Variants in THADA observed in about 807,000 individuals in gnomAD.
THADA encodes the protein THADA armadillo repeat containing.
In THADA, 213 loss-of-function variants were observed where a neutral mutation model predicts 219.8. That is an observed-to-expected ratio of 0.97 (90% CI 0.87 to 1.09). THADA has a LOEUF of 1.09. Ranked by LOEUF, THADA falls within the 50% of genes least tolerant of loss-of-function variation. THADA has a pLI of 0.00. For missense variants in THADA, 2,956 were observed against 2,311.3 expected, an observed-to-expected ratio of 1.28 and a Z score of -5.72; for synonymous variants, 1,018 against 828.9, an observed-to-expected ratio of 1.23 and a Z score of -3.92.
intron 29 of THADA, among the ~76,000 whole-genome samples, chr2:43,382,515 G>A (rs1672161347): frequency 1.3e-5 from 2 of 152,258 alleles, no homozygotes; most frequent in South Asian, 4.1e-4. Context: ...AGATAAAAAA[G>A]ATATTCAAGA....
intron 30 of THADA, among the ~76,000 whole-genome samples, chr2:43,338,566 G>A (rs573372006): frequency 6.6e-6 from 1 of 152,076 alleles, no homozygotes; most frequent in Non-Finnish European, 1.5e-5. Flanking sequence ...TCTGTCTCTA[G>A]GTCTTGACTA....
intron 30 of THADA, among the ~76,000 whole-genome samples, chr2:43,338,073 CT>C (rs959791131): frequency 6.6e-6 from 1 of 151,174 alleles, no homozygotes; most frequent in African/African-American, 2.4e-5. Context: ...ATAATATAAA[CT>C]TTACCATCTT....
chr2:43,246,515 C>T (rs529393155), intron 36 of THADA, among the ~76,000 whole-genome samples: 1 of 150,956 alleles, frequency 6.6e-6, no homozygotes, highest in Non-Finnish European at 1.5e-5. Flanking sequence ...AACAAACAAA[C>T]AAACAAAAAA....
At chr2:43,461,227 C>T (rs984530477) in intron 26 of THADA, among the ~76,000 whole-genome samples, 45 of 152,316 alleles carry the variant, frequency 3.0e-4, no homozygotes, top group African/African-American at 1.0e-3. Context: ...TAAGTCTACA[C>T]TGCCCACACA....
At chr2:43,495,261 G>A (rs1369070151) in intron 25 of THADA, among the ~76,000 whole-genome samples, 1 of 152,048 alleles carries the variant, frequency 6.6e-6, no homozygotes, top group Non-Finnish European at 1.5e-5. Flanking sequence ...AAGTAACAGT[G>A]TTGATCATTA....
Position 43,230,858 on chromosome 2 carries a change from A to C in THADA, c.*90T>G, listed in dbSNP as rs1667330858. ...AAGTAGGGGAGGCATGAATGGGATA[A>C]AATTTTTGAATTTATGTTCAACATG... is the stretch of plus-strand genomic sequence containing the variant. On this transcript the variant is annotated 3_prime_UTR_variant, in exon 38 of 38. Transcript: ENST00000405975. The C allele has an allele frequency of 6.9e-7, 1 of 1,445,608 alleles. No homozygotes were observed. Among genetic ancestry groups the C allele is most frequent in the Non-Finnish European group, 9.2e-7 (1 of 1,081,374 alleles). 89.5% of individuals were successfully genotyped at this position (1,445,608 alleles called of 1,614,324 possible).
At position 43,485,295 on chromosome 2, in the gene THADA, C is replaced by A. The variant is rs774673118; in HGVS notation, c.3775G>T (p.Ala1259Ser). 8 of 1,612,990 alleles carry A rather than the reference C, an allele frequency of 5.0e-6. No individual in the cohort carries two copies. In the East Asian group the frequency reaches 1.8e-4, roughly 36 times the overall value. ...ACTCCAAAAATTCTTGTGATCAAGG[C>A]ACTAAAGAGAAGTGTGGATGAATTT... ...VRNSSTLLFS[A>S]LITRIFGVKR... The change falls in exon 26 of 38, where the codon GCC (alanine) becomes TCC (serine). Residue 1259 changes from alanine to serine, a missense_variant. Coordinates refer to ENST00000405975, the MANE Select transcript of THADA (RefSeq NM_022065.5).
intron 30 of THADA, among the ~76,000 whole-genome samples, chr2:43,329,315 C>A (rs1335476534): frequency 6.6e-6 from 1 of 152,064 alleles, no homozygotes; most frequent in Admixed American, 6.5e-5. Flanking sequence ...TCTTTTCAAA[C>A]CTTACTTTCT....
At chr2:43,292,709 G>T in intron 32 of THADA, 125 bp downstream of exon 32, 2 of 1,230,016 alleles carry the variant, frequency 1.6e-6, no homozygotes, top group Non-Finnish European at 2.2e-6. Flanking sequence ...ACTGGCTGCC[G>T]AATCTACTTC....
chr2:43,324,521 T>G (rs1030261853), intron 30 of THADA, among the ~76,000 whole-genome samples: 2 of 152,226 alleles, frequency 1.3e-5, no homozygotes, highest in African/African-American at 4.8e-5. Context: ...CGGAGCCCAC[T>G]GTTCATGACT....
Position 43,531,349 on chromosome 2 carries a change from C to T in THADA, c.3265-3361G>A, listed in dbSNP as rs78812446. Reference sequence around the variant, plus strand: ...AGACCAACACTAAATAAGTGCGTGCCAGCTACCTGCCAGATACTTTGCTAG... The same window carrying T: ...AGACCAACACTAAATAAGTGCGTGCTAGCTACCTGCCAGATACTTTGCTAG... On this transcript the variant is annotated intron_variant, in intron 21 of 37. Coordinates refer to ENST00000405975, the MANE Select transcript of THADA (RefSeq NM_022065.5). Among the ~76,000 whole-genome samples the T allele has an allele frequency of 2.6e-4, 40 of 152,324 alleles. 1 individual carries two copies. In the East Asian group the frequency reaches 7.7e-3, roughly 29 times the overall value.
chr2:43,412,717 TTAAC>T (rs1269593173), intron 28 of THADA, among the ~76,000 whole-genome samples: 1 of 152,220 alleles, frequency 6.6e-6, no homozygotes, highest in African/African-American at 2.4e-5. Flanking sequence ...CCAGACTGCT[TTAAC>T]TAACCATGCT....
intron 21 of THADA, among the ~76,000 whole-genome samples, chr2:43,537,286 T>C (rs773194692): frequency 1.2e-4 from 19 of 152,348 alleles, no homozygotes; most frequent in Non-Finnish European, 2.4e-4. Context: ...AGTCTGACTT[T>C]TTAAAATGAA....
In THADA at chr2:43,552,304, C is replaced by A. The variant is rs1197458739; in HGVS notation, c.2710G>T (p.Val904Leu). The A allele has an allele frequency of 3.1e-6, 5 of 1,604,100 alleles. No homozygotes were observed. The highest frequency in any genetic ancestry group is 4.2e-6 in the Non-Finnish European group (5 of 1,177,338). The stretch of plus-strand genomic sequence containing the variant: ...AGCAGAGAATTTTCAGCCTGAGATA[C>A]TTCTTCCTCAAGATTTTCCATCAAG... ...KCLMENLEEE[V>L]SQAENSLLQA... Residue 904 changes from valine to leucine, a missense_variant, in exon 18 of 38, where the codon GTA becomes TTA. Transcript: ENST00000405975.
At chr2:43,260,046 T>C (rs756661546) in intron 36 of THADA, among the ~76,000 whole-genome samples, 5 of 152,140 alleles carry the variant, frequency 3.3e-5, no homozygotes, top group Non-Finnish European at 7.4e-5. Flanking sequence ...TACAGTGGAA[T>C]GATCTCAGCT....
At chr2:43,357,447 C>T (rs1346606454) in intron 29 of THADA, among the ~76,000 whole-genome samples, 1 of 152,148 alleles carries the variant, frequency 6.6e-6, no homozygotes, top group Admixed American at 6.5e-5. Flanking sequence ...GGCAAAACCA[C>T]GACTTGAAAG....
intron 29 of THADA, among the ~76,000 whole-genome samples, chr2:43,354,136 A>G (rs1558629058): frequency 6.6e-6 from 1 of 151,766 alleles, no homozygotes; most frequent in Non-Finnish European, 1.5e-5. Context: ...TTGTATTTTT[A>G]GTAGAGACAG....
chr2:43,428,962 G>C (rs1678871455), intron 27 of THADA, among the ~76,000 whole-genome samples: 1 of 152,110 alleles, frequency 6.6e-6, no homozygotes, highest in African/African-American at 2.4e-5. Flanking sequence ...ATCATAACCA[G>C]AAGTAAAATT....
intron 26 of THADA, chr2:43,463,048 A>G (rs1163455740): frequency 6.6e-6 from 1 of 152,234 alleles, no homozygotes; most frequent in Non-Finnish European, 1.5e-5. Context: ...TCCATTCATT[A>G]TAAGCTGAGG....
Sources: gnomAD v4.1 joint callset for allele counts (sites outside exome capture counted in the v4.1 genomes callset) on GRCh38, gnomAD v4.1.1 for gene constraint, MANE v1.5 for transcripts, NCBI Gene and HGNC (gene_info 2026-07-23, HGNC 2026-07-21) for gene names.